SPAG1: variants seen among roughly 807,000 people sequenced by gnomAD.
The protein encoded by SPAG1 is sperm-associated antigen 1.
SPAG1 carries 69 observed loss-of-function variants against 100.5 expected under a neutral mutation model. That is an observed-to-expected ratio of 0.69 (90% CI 0.57 to 0.84). The LOEUF is 0.84. SPAG1 is among the 40% of genes least tolerant of loss of function. The probability of loss-of-function intolerance (pLI) is 0.00; values close to 1 mark genes in which losing one functional copy is unlikely to be tolerated. For missense variants in SPAG1, 955 were observed against 1,133.1 expected (o/e 0.84, Z 2.26); for synonymous variants, 336 against 411.6 (o/e 0.82, Z 2.22).
chr8:100,213,720 C>A, intron 11 of SPAG1, 99 bp from the exon 12 acceptor site: 1 of 740,488 alleles, frequency 1.4e-6, no homozygotes, highest in Non-Finnish European at 2.3e-6. Flanking sequence ...TGCAGGACTG[C>A]AGTGCCACCC....
In SPAG1 at chr8:100,199,145, A is replaced by G. The variant is rs551065454; in HGVS notation, c.1096+4877A>G. On this transcript the variant is annotated intron_variant, in intron 10 of 18. Coordinates refer to ENST00000388798, the MANE Select transcript of SPAG1 (RefSeq NM_003114.5). ...TTCTTGTGCATTATTTTGGAGTGGA[A>G]TTGCTGGATGATATACTAACTCTGT... Among the ~76,000 whole-genome samples the G allele has an allele frequency of 3.3e-5, 5 of 152,330 alleles. No homozygotes were observed. The South Asian group carries it at 1.0e-3, about 32-fold the overall frequency.
rs1819169603 is a variant in SPAG1, at chr8:100,239,743, A to T, written c.2280+339A>T. Among the ~76,000 whole-genome samples the T allele has an allele frequency of 6.6e-6, 1 of 152,190 alleles. No individual in the cohort carries two copies. Among genetic ancestry groups the T allele is most frequent in the Admixed American group, 6.5e-5 (1 of 15,284 alleles). On this transcript the variant is annotated intron_variant, in intron 17 of 18. Coordinates refer to ENST00000388798, the MANE Select transcript of SPAG1 (RefSeq NM_003114.5). This position sits in a 1 kb window ranked among gnomAD's most constrained non-coding sequence, Gnocchi z 5.0. The stretch of plus-strand genomic sequence containing the variant: ...GACCTGGAGAATCCTGACGGGACTG[A>T]TTTTGTTACAGGGGCCCTGAAAGCC...
chr8:100,173,188 A>G (rs1009509640), intron 3 of SPAG1, among the ~76,000 whole-genome samples: 6 of 151,450 alleles, frequency 4.0e-5, no homozygotes, highest in African/African-American at 1.5e-4. Context: ...ACAGGCATTC[A>G]CCACCACACT....
At chr8:100,162,451 G>C (rs1288506383) in intron 2 of SPAG1, 31 bp downstream of exon 2, 1 of 1,513,890 alleles carries the variant, frequency 6.6e-7, no homozygotes, top group Non-Finnish European at 8.9e-7. Flanking sequence ...ACATGTTTTA[G>C]TATGACAGTT....
intron 14 of SPAG1, 61 bp downstream of exon 14, chr8:100,225,400 C>T (rs1818464999): frequency 1.4e-6 from 2 of 1,465,992 alleles, no homozygotes; most frequent in Admixed American, 3.5e-5. Flanking sequence ...TGTACTTTCA[C>T]AGTAAAGCAG....
intron 10 of SPAG1, among the ~76,000 whole-genome samples, chr8:100,196,554 G>C (rs1817039637): frequency 6.6e-6 from 1 of 151,960 alleles, no homozygotes; most frequent in African/African-American, 2.4e-5. Flanking sequence ...TCAAAAATTG[G>C]GTTGTTGTTT....
intron 10 of SPAG1, among the ~76,000 whole-genome samples, chr8:100,196,736 T>C (rs1350977505): frequency 6.6e-6 from 1 of 152,188 alleles, no homozygotes; most frequent in African/African-American, 2.4e-5. Context: ...TTTAATGTTA[T>C]ATCGATGAAC....
At chr8:100,183,505 A>G (rs1332291079) in intron 5 of SPAG1, 69 bp downstream of exon 5, 3 of 710,464 alleles carry the variant, frequency 4.2e-6, no homozygotes, top group Middle Eastern at 7.9e-4. Context: ...TACTGCAATA[A>G]TTTCTTAAAT....
intron 3 of SPAG1, among the ~76,000 whole-genome samples, chr8:100,173,384 T>A (rs1285702096): frequency 6.6e-6 from 1 of 152,110 alleles, no homozygotes; most frequent in Non-Finnish European, 1.5e-5. Flanking sequence ...CCTCTTATCT[T>A]TTACCATTCT....
chr8:100,205,905 G>C (rs966693448), intron 10 of SPAG1, among the ~76,000 whole-genome samples: 1 of 151,728 alleles, frequency 6.6e-6, no homozygotes, highest in Non-Finnish European at 1.5e-5. Flanking sequence ...TGTAGTCCCA[G>C]CTACTCAGGA....
chr8:100,234,984 G>A (rs1163712505), intron 16 of SPAG1, among the ~76,000 whole-genome samples: 1 of 152,190 alleles, frequency 6.6e-6, no homozygotes, highest in Non-Finnish European at 1.5e-5. Flanking sequence ...GCAGGTACCT[G>A]AAGGAAAGTA....
intron 12 of SPAG1, among the ~76,000 whole-genome samples, chr8:100,217,208 T>G (rs923508248): frequency 6.6e-6 from 1 of 152,170 alleles, no homozygotes; most frequent in African/African-American, 2.4e-5. Flanking sequence ...CCCAAAGTGC[T>G]GGGATTACAG....
At chr8:100,214,988 C>CACAT (rs1817901344) in intron 12 of SPAG1, among the ~76,000 whole-genome samples, 1 of 68,852 alleles carries the variant, frequency 1.5e-5, no homozygotes, top group Non-Finnish European at 2.8e-5. Context: ...AAACTTTACT[C>CACAT]ATATATATAT....
chr8:100,178,462 T>C (rs1419379883), intron 4 of SPAG1, among the ~76,000 whole-genome samples: 2 of 152,104 alleles, frequency 1.3e-5, no homozygotes, highest in Non-Finnish European at 2.9e-5. Context: ...CATAGACCTC[T>C]CCTTTTTAAT....
chr8:100,184,697 CA>C lies in SPAG1; in HGVS notation c.666del (p.Gly223GlufsTer7), dbSNP rs1816511769. The C allele has an allele frequency of 1.9e-6, 3 of 1,586,798 alleles. No homozygotes were observed. The African/African-American group carries it at 4.1e-5, about 22-fold the overall frequency. ...GAGAAAGGAAATGAAGCTTTCAACTCAGGAGATTATGAAGAAGCAGTGATGT... is the reference window on the plus strand; with the variant it reads ...GAGAAAGGAAATGAAGCTTTCAACTCGGAGATTATGAAGAAGCAGTGATGT... ...EKEKGNEAFN[S>X]GDYEEAVMYY... On this transcript the variant is annotated frameshift_variant, in exon 7 of 19. Transcript: ENST00000388798. LOFTEE classifies it high-confidence loss of function.
At chr8:100,226,669 C>A (rs911731131) in intron 14 of SPAG1, among the ~76,000 whole-genome samples, 1 of 151,844 alleles carries the variant, frequency 6.6e-6, no homozygotes, top group Non-Finnish European at 1.5e-5. Flanking sequence ...TGTCACTGCA[C>A]TCCAGCCTGG....
intron 8 of SPAG1, among the ~76,000 whole-genome samples, chr8:100,190,778 C>T (rs1816782878): frequency 6.7e-6 from 1 of 150,120 alleles, no homozygotes; most frequent in Middle Eastern, 3.2e-3. Context: ...AATTCTCCTG[C>T]CTCAGTCTCC....
chr8:100,237,605 C>T (rs946601780), intron 16 of SPAG1, among the ~76,000 whole-genome samples: 5 of 152,166 alleles, frequency 3.3e-5, no homozygotes, highest in African/African-American at 7.2e-5. Context: ...CTTTCTTTGT[C>T]TTTTCCGTGG....
Position 100,213,885 on chromosome 8 carries a change from G to C in SPAG1, c.1502G>C (p.Gly501Ala). Residue 501 changes from glycine (G) to alanine (A), a missense_variant, in exon 12 of 19, where the codon GGA becomes GCA. By Grantham distance (60) the Gly-to-Ala change is moderately conservative. Coordinates refer to ENST00000388798, the MANE Select transcript of SPAG1 (RefSeq NM_003114.5). The stretch of plus-strand genomic sequence containing the variant: ...AGAGCAGCATGTTACCTAAAAGAAG[G>C]AAACTGCAGTGGCTGCATTCAAGAT... ...SNRAACYLKE[G>A]NCSGCIQDCN... 1 of 1,604,620 alleles carries C rather than the reference G, an allele frequency of 6.2e-7. No individual in the cohort carries two copies. The highest frequency in any genetic ancestry group is 8.5e-7 in the Non-Finnish European group (1 of 1,172,876).
Sources: allele counts gnomAD v4.1 joint callset (sites outside exome capture counted in the v4.1 genomes callset), GRCh38; gene constraint gnomAD v4.1.1; non-coding constraint Gnocchi (gnomAD v3.1); transcripts MANE v1.5; gene names NCBI Gene and HGNC (gene_info 2026-07-23, HGNC 2026-07-21).